WDFY4: variants seen among roughly 807,000 people sequenced by gnomAD.
WDFY4 encodes the protein WD repeat- and FYVE domain-containing protein 4.
WDFY4 carries 169 observed loss-of-function variants against 351.9 expected under a neutral mutation model. That is an observed-to-expected ratio of 0.48 (90% CI 0.42 to 0.55). The LOEUF is 0.55. Among genes scored for constraint, WDFY4 ranks in the 20% least tolerant of loss-of-function variants. The probability of loss-of-function intolerance (pLI) is 0.00; values close to 1 mark genes in which losing one functional copy is unlikely to be tolerated. For synonymous variants in WDFY4, 1,622 were observed against 1,574.6 expected (o/e 1.03, Z -0.71); for missense variants, 3,803 against 3,935.6 (o/e 0.97, Z 0.90).
chr10:48,974,148 C>T (rs1334677977), intron 57 of WDFY4, among the ~76,000 whole-genome samples: 1 of 152,138 alleles, frequency 6.6e-6, no homozygotes, highest in Non-Finnish European at 1.5e-5. Context: ...AGGCTACTTG[C>T]TGCTACTGAG....
chr10:48,760,126 C>G lies in WDFY4; in HGVS notation c.2460-221C>G, dbSNP rs565072428. 1.9e-4 allele frequency among the ~76,000 whole-genome samples: 29 copies of G among 152,288 alleles called. No individual in the cohort carries two copies. In the East Asian group the frequency reaches 5.2e-3, roughly 27 times the overall value. ...GGGTCAGGCACTGTGCCTTGGAGCA[C>G]AAAAGCATTCTTCTATGACTGTAGG... On this transcript the variant is annotated intron_variant, in intron 12 of 61. Transcript: ENST00000325239.
chr10:48,869,893 G>A (rs910706495), intron 40 of WDFY4, among the ~76,000 whole-genome samples: 1 of 152,002 alleles, frequency 6.6e-6, no homozygotes, highest in African/African-American at 2.4e-5. Flanking sequence ...TCACAGCTCT[G>A]TCAGTTAAAA....
At chr10:48,732,347 G>A (rs1213058076) in intron 9 of WDFY4, among the ~76,000 whole-genome samples, 2 of 152,146 alleles carry the variant, frequency 1.3e-5, no homozygotes, top group African/African-American at 4.8e-5. Flanking sequence ...GTCTACACCT[G>A]CTGCTCTGGG....
chr10:48,974,117 C>T (rs73298966), intron 57 of WDFY4, among the ~76,000 whole-genome samples: 5,933 of 152,238 alleles, frequency 0.039, 135 homozygotes, highest in South Asian at 0.081. Flanking sequence ...TGGAGTGGAA[C>T]CCAAGAATTT....
In WDFY4 at chr10:48,927,785, G is replaced by A. The variant is rs537237936; in HGVS notation, c.7587-14021G>A. ...GAGGTCACACGGCCCAATAACAAAA[G>A]ATTATGCTTTCTTATTGGTTTAATA... On this transcript the variant is annotated intron_variant, in intron 47 of 61. Transcript: ENST00000325239. Among the ~76,000 whole-genome samples, 4 of 152,242 alleles carry A rather than the reference G, an allele frequency of 2.6e-5. No individual in the cohort carries two copies. The South Asian group carries it at 8.3e-4, about 32-fold the overall frequency.
At chr10:48,835,065 C>T (rs776408777) in intron 39 of WDFY4, among the ~76,000 whole-genome samples, 5 of 152,336 alleles carry the variant, frequency 3.3e-5, no homozygotes, top group Non-Finnish European at 5.9e-5. Context: ...AGGTCTTATT[C>T]ACTTGTTCAT....
At chr10:48,917,832 G>T (rs1443145054) in intron 47 of WDFY4, among the ~76,000 whole-genome samples, 2 of 152,220 alleles carry the variant, frequency 1.3e-5, no homozygotes, top group African/African-American at 4.8e-5. Context: ...CTGAGTAAAT[G>T]TGGAGTATTT....
rs112719808 is a variant in WDFY4, at chr10:48,887,949, G to A, written c.7168-2630G>A. On this transcript the variant is annotated intron_variant, in intron 43 of 61. Coordinates refer to ENST00000325239, the MANE Select transcript of WDFY4 (RefSeq NM_001394531.1). ...TGTAGCATATCCATTCAAGGGAATA[G>A]TCTGCAACTATTAATAAGAATTAGA... 5.8e-3 allele frequency among the ~76,000 whole-genome samples: 877 copies of A among 152,338 alleles called. 4 individuals are homozygous for A. Among genetic ancestry groups the A allele is most frequent in the Non-Finnish European group, 8.2e-3 (555 of 68,032 alleles).
chr10:48,703,160 C>A (rs1162011490), intron 1 of WDFY4, among the ~76,000 whole-genome samples: 1 of 152,152 alleles, frequency 6.6e-6, no homozygotes, highest in Non-Finnish European at 1.5e-5. Flanking sequence ...GTTTTAGGAA[C>A]AAGAATGGCT....
At chr10:48,791,344 A>T (rs1359208080) in intron 23 of WDFY4, among the ~76,000 whole-genome samples, 1 of 152,226 alleles carries the variant, frequency 6.6e-6, no homozygotes, top group Non-Finnish European at 1.5e-5. Context: ...GGACTGTAAT[A>T]GGGTTGCAGT....
At position 48,802,756 on chromosome 10, in the gene WDFY4, G is replaced by A. The variant is rs1239820775; in HGVS notation, c.4411-530G>A. ...ATGCATGAGATGACACTGTGGTTTG[G>A]GCTGAAGAATGTGTTGCCTGCGCAA... On this transcript the variant is annotated intron_variant, in intron 24 of 61. Coordinates refer to ENST00000325239, the MANE Select transcript of WDFY4 (RefSeq NM_001394531.1). 7 of 471,330 alleles carry A rather than the reference G, an allele frequency of 1.5e-5. No homozygotes were observed. In the Admixed American group the frequency reaches 1.6e-4, roughly 11 times the overall value. The allele number at this position is 471,330 out of a possible 1,614,324, so 29.2% of individuals were successfully genotyped here. A position where few individuals can be genotyped will look rare whatever the true frequency, so the allele number is the denominator to read the frequency against.
intron 54 of WDFY4, among the ~76,000 whole-genome samples, chr10:48,964,506 G>T (rs1454456389): frequency 6.6e-6 from 1 of 152,224 alleles, no homozygotes; most frequent in Non-Finnish European, 1.5e-5. Context: ...GGAAACTGAG[G>T]CTCAGAGAGG....
At chr10:48,847,069 AG>A (rs2068799749) in intron 39 of WDFY4, among the ~76,000 whole-genome samples, 1 of 152,164 alleles carries the variant, frequency 6.6e-6, no homozygotes, top group African/African-American at 2.4e-5. Context: ...TACCCCAGCC[AG>A]GGTGGCATAA....
At chr10:48,764,855 A>G (rs1448182330) in intron 13 of WDFY4, among the ~76,000 whole-genome samples, 3 of 152,252 alleles carry the variant, frequency 2.0e-5, no homozygotes, top group Non-Finnish European at 4.4e-5. Flanking sequence ...TAGTAAAACA[A>G]CATCCTGATG....
chr10:48,978,195 A>T, intron 59 of WDFY4, 114 bp from the exon 60 acceptor site: 2 of 989,734 alleles, frequency 2.0e-6, no homozygotes, highest in South Asian at 1.7e-5. Context: ...AAGGGGGGCC[A>T]TGTGTTCATC....
intron 13 of WDFY4, among the ~76,000 whole-genome samples, chr10:48,765,095 A>G (rs763290399): frequency 1.8e-4 from 27 of 152,388 alleles, no homozygotes; most frequent in Non-Finnish European, 7.3e-5. Context: ...AGGCTAAAAT[A>G]GAACACATGA....
At chr10:48,910,114 C>T (rs568075040) in intron 47 of WDFY4, 54 of 919,138 alleles carry the variant, frequency 5.9e-5, no homozygotes, top group East Asian at 1.5e-4. Context: ...TGGCCAGCTC[C>T]GGCGAGCCTG....
chr10:48,974,519 A>AAAAAAAAAAAAAAAAAAAAAAACAAC lies in WDFY4; in HGVS notation c.8929-333_8929-332insAAAAAAAAAAAACAACAAAAAAAAAA, dbSNP rs1352344126. ...CTCCGTCTCAAAAAAAAAAAAAAAAAAAAAAAAAAACAACTCATGACATGA... is the reference window on the plus strand; with the variant it reads ...CTCCGTCTCAAAAAAAAAAAAAAAAAAAAAAAAAAAAAAAAAAAAAAACAACAAAAAAAAAACAACTCATGACATGA... On this transcript the variant is annotated intron_variant, in intron 57 of 61. Transcript: ENST00000325239. Among the ~76,000 whole-genome samples the AAAAAAAAAAAAAAAAAAAAAAACAAC allele has an allele frequency of 1.4e-4, 7 of 49,970 alleles. 1 individual carries two copies. Among genetic ancestry groups the AAAAAAAAAAAAAAAAAAAAAAACAAC allele is most frequent in the African/African-American group, 2.8e-4 (4 of 14,258 alleles). The allele number at this position is 49,970 out of a possible 152,430, so 32.8% of individuals were successfully genotyped here.
intron 39 of WDFY4, among the ~76,000 whole-genome samples, chr10:48,839,222 G>A (rs1214116523): frequency 1.3e-5 from 2 of 152,230 alleles, no homozygotes; most frequent in Non-Finnish European, 2.9e-5. Flanking sequence ...GTACAACAGA[G>A]CTGAGCTGAG....
Sources: allele counts gnomAD v4.1 joint callset (sites outside exome capture counted in the v4.1 genomes callset), GRCh38; gene constraint gnomAD v4.1.1; transcripts MANE v1.5; gene names NCBI Gene and HGNC (gene_info 2026-07-23, HGNC 2026-07-21).